TENT5A: variants seen among roughly 807,000 people sequenced by gnomAD.
The protein encoded by TENT5A is terminal nucleotidyltransferase 5A.
A neutral mutation model predicts 30.2 loss-of-function variants in TENT5A; 9 were observed. That is an observed-to-expected ratio of 0.30 (90% confidence interval 0.18 to 0.52). The LOEUF (loss-of-function observed/expected upper bound fraction) is 0.52, where lower values mean the gene tolerates loss of function less well. Ranked by LOEUF, TENT5A falls within the 20% of genes least tolerant of loss-of-function variation. TENT5A has a pLI of 0.97. For missense variants in TENT5A, 411 were observed against 566.1 expected (o/e 0.73, Z 2.78); for synonymous variants, 264 against 234.2 (o/e 1.13, Z -1.16).
chr6:81,749,070 T>C lies in TENT5A; in HGVS notation c.*625A>G. ...CAGCTGGAATTAATGGATTGTGTCATCATAAGTTCTGCTGATTGTTACGAG... is the reference window on the plus strand; with the variant it reads ...CAGCTGGAATTAATGGATTGTGTCACCATAAGTTCTGCTGATTGTTACGAG... On this transcript the variant is annotated 3_prime_UTR_variant, in exon 3 of 3. Coordinates refer to ENST00000320172, the MANE Select transcript of TENT5A (RefSeq NM_017633.3). 2 of 985,868 alleles carry C rather than the reference T, an allele frequency of 2.0e-6. No homozygotes were observed. Among genetic ancestry groups the C allele is most frequent in the Non-Finnish European group, 2.4e-6 (2 of 829,944 alleles). The allele number at this position is 985,868 out of a possible 1,614,324, so 61.1% of individuals were successfully genotyped here.
chr6:81,751,611 C>T lies in TENT5A; in HGVS notation c.531G>A (p.Lys177=). The T allele has an allele frequency of 1.2e-6, 2 of 1,611,586 alleles. No homozygotes were observed. The highest frequency in any genetic ancestry group is 1.7e-6 in the Non-Finnish European group (2 of 1,178,750). Residue 177 remains lysine, a synonymous_variant, in exon 2 of 3, where the codon AAG becomes AAA. Coordinates refer to ENST00000320172, the MANE Select transcript of TENT5A (RefSeq NM_017633.3). The stretch of plus-strand genomic sequence containing the variant: ...TTACCTTGAGCGTGAGTGGTGTGAT[C>T]TTCTCTTTGTTCACCCCCTCGGGTA... ...DFLPEGVNKE[K]ITPLTLKEAY... is the part of the protein sequence containing the mutation.
chr6:81,748,809 T>G lies in TENT5A; in HGVS notation c.*886A>C, dbSNP rs1768937979. 1 of 985,176 alleles carries G rather than the reference T, an allele frequency of 1.0e-6. No individual in the cohort carries two copies. The highest frequency in any genetic ancestry group is 4.7e-5 in the South Asian group (1 of 21,276). 61.0% of individuals were successfully genotyped at this position (985,176 alleles called of 1,614,324 possible). A position where few individuals can be genotyped will look rare whatever the true frequency, so the allele number is the denominator to read the frequency against. On this transcript the variant is annotated 3_prime_UTR_variant, in exon 3 of 3. Transcript: ENST00000320172. ...ATTTTCTTCTTGAGGCAGTCCCTGATAAAATAAAATAATCATTAAACCATA... is the reference window on the plus strand; with the variant it reads ...ATTTTCTTCTTGAGGCAGTCCCTGAGAAAATAAAATAATCATTAAACCATA...
In TENT5A at chr6:81,750,194, T is replaced by C; in HGVS notation, c.830A>G (p.Asn277Ser). ...TGGGTTCCTGGTGGCAATGATCTTG[T>C]TACAAAGGTGATCAAAGGCTTCCTG... ...DFQEAFDHLC[N>S]KIIATRNPEE... Residue 277 changes from asparagine (N) to serine (S), a missense_variant, in exon 3 of 3, where the codon AAC (asparagine) becomes AGC (serine). Coordinates refer to ENST00000320172, the MANE Select transcript of TENT5A (RefSeq NM_017633.3). This position sits in a 1 kb window ranked among gnomAD's most constrained non-coding sequence, Gnocchi z 4.2. The C allele has an allele frequency of 6.2e-7, 1 of 1,614,148 alleles. No individual in the cohort carries two copies. The highest frequency in any genetic ancestry group is 8.5e-7 in the Non-Finnish European group (1 of 1,180,026).
intron 1 of TENT5A, 77 bp from the exon 2 acceptor site, chr6:81,752,255 C>G (rs943392550): frequency 1.1e-5 from 16 of 1,477,942 alleles, no homozygotes; most frequent in Non-Finnish European, 1.3e-5. Context: ...AGCAGAGGCC[C>G]GCCAGGAAAA....
intron 2 of TENT5A, 54 bp downstream of exon 2, chr6:81,751,536 G>C: frequency 6.7e-7 from 1 of 1,499,336 alleles, no homozygotes; most frequent in Non-Finnish European, 9.0e-7. Context: ...CCCGCTCCCC[G>C]TCACACCCGG....
chr6:81,746,519 T>C lies in TENT5A; in HGVS notation c.*3176A>G, dbSNP rs1345588763. The C allele has an allele frequency of 8.1e-7, 1 of 1,232,022 alleles. No homozygotes were observed. Among genetic ancestry groups the C allele is most frequent in the Non-Finnish European group, 1.0e-6 (1 of 987,938 alleles). 76.3% of individuals were successfully genotyped at this position (1,232,022 alleles called of 1,614,324 possible). A position where few individuals can be genotyped will look rare whatever the true frequency, so the allele number is the denominator to read the frequency against. On this transcript the variant is annotated 3_prime_UTR_variant, in exon 3 of 3. Transcript: ENST00000320172. The stretch of plus-strand genomic sequence containing the variant: ...AAAGTGAGCAGATACTTGATCCCAT[T>C]TCTGGAAAGGAAATGTCCATCTTGG...
At position 81,750,101 on chromosome 6, in the gene TENT5A, G is replaced by C. The variant is rs1295773390; in HGVS notation, c.923C>G (p.Ser308Cys). The C allele has an allele frequency of 2.5e-6, 4 of 1,613,920 alleles. No homozygotes were observed. The highest frequency in any genetic ancestry group is 2.5e-6 in the Non-Finnish European group (3 of 1,179,928). The change falls in exon 3 of 3, where the codon TCT becomes TGT. Residue 308 changes from serine (S) to cysteine (C), a missense_variant. By Grantham distance (112) the Ser-to-Cys change is moderately radical. Coordinates refer to ENST00000320172, the MANE Select transcript of TENT5A (RefSeq NM_017633.3). The surrounding 1 kb of genome is among the most constrained non-coding windows in gnomAD (Gnocchi z 4.2). ...NLLVRGFRPA[S>C]DEIKTLQRYM... ...CCTTTGAAGGGTCTTGATTTCATCA[G>C]AGGCGGGCCTAAAGCCCCTCACCAA...
chr6:81,751,882 C>A lies in TENT5A; in HGVS notation c.260G>T (p.Arg87Leu). ...CAGCTCGAGCGTGGGGAAGTTGCCG[C>A]GCCCGTGAATCGGAATGGTCTCGCT... ...ILSETIPIHG[R>L]GNFPTLELQP... Residue 87 changes from arginine to leucine, a missense_variant, in exon 2 of 3, where the codon CGC becomes CTC. By Grantham distance (102) the Arg-to-Leu change is moderately radical. Around this residue, in one of 5 missense-constraint regions of TENT5A, gnomAD observed 157 missense variants for 183.2 expected, o/e 0.86. Coordinates refer to ENST00000320172, the MANE Select transcript of TENT5A (RefSeq NM_017633.3). 1 of 1,613,224 alleles carries A rather than the reference C, an allele frequency of 6.2e-7. No homozygotes were observed. Among genetic ancestry groups the A allele is most frequent in the South Asian group, 1.1e-5 (1 of 91,088 alleles).
chr6:81,748,341 C>A lies in TENT5A; in HGVS notation c.*1354G>T. The A allele has an allele frequency of 1.0e-6, 1 of 981,642 alleles. No homozygotes were observed. The highest frequency in any genetic ancestry group is 1.2e-6 in the Non-Finnish European group (1 of 829,032). The allele number at this position is 981,642 out of a possible 1,614,324, so 60.8% of individuals were successfully genotyped here. A position where few individuals can be genotyped will look rare whatever the true frequency, so the allele number is the denominator to read the frequency against. Reference sequence around the variant, plus strand: ...GTTCAATATAAAAAAGAGTGCTCTGCCAAACAAATATTCTCCCATTTGTGG... The same window carrying A: ...GTTCAATATAAAAAAGAGTGCTCTGACAAACAAATATTCTCCCATTTGTGG... On this transcript the variant is annotated 3_prime_UTR_variant, in exon 3 of 3. Transcript: ENST00000320172.
Position 81,746,431 on chromosome 6 carries a change from T to G in TENT5A, c.*3264A>C. On this transcript the variant is annotated 3_prime_UTR_variant, in exon 3 of 3. Transcript: ENST00000320172. ...TCACTTTTCATTTCCTTCCTTGGTTTGGATTACACATATTCTTCCATCCTT... is the reference window on the plus strand; with the variant it reads ...TCACTTTTCATTTCCTTCCTTGGTTGGGATTACACATATTCTTCCATCCTT... 1 of 1,231,632 alleles carries G rather than the reference T, an allele frequency of 8.1e-7. No homozygotes were observed. The highest frequency in any genetic ancestry group is 1.0e-6 in the Non-Finnish European group (1 of 987,632). 76.3% of individuals were successfully genotyped at this position (1,231,632 alleles called of 1,614,324 possible).
Position 81,745,853 on chromosome 6 carries a change from A to T in TENT5A, c.*3842T>A, listed in dbSNP as rs887551566. On this transcript the variant is annotated 3_prime_UTR_variant, in exon 3 of 3. Transcript: ENST00000320172. ...ATGTCAGTTTTTTAGTCCATTTTCC[A>T]TCAACTCCTTTTCTGCCTGTGACGC... is the stretch of plus-strand genomic sequence containing the variant. 1.0e-6 allele frequency: 1 copy of T among 985,748 alleles called. No homozygotes were observed. Among genetic ancestry groups the T allele is most frequent in the East Asian group, 1.1e-4 (1 of 8,822 alleles). 61.1% of individuals were successfully genotyped at this position (985,748 alleles called of 1,614,324 possible). A position where few individuals can be genotyped will look rare whatever the true frequency, so the allele number is the denominator to read the frequency against.
rs760896955 is a variant in TENT5A at position 81,749,737 on chromosome 6, C to T, written c.1287G>A (p.Thr429=). 3.7e-6 allele frequency: 6 copies of T among 1,613,166 alleles called. No homozygotes were observed. The highest frequency in any genetic ancestry group is 5.1e-6 in the Non-Finnish European group (6 of 1,179,926). Residue 429 remains threonine (T), a synonymous_variant, in exon 3 of 3, where the codon ACG becomes ACA. Coordinates refer to ENST00000320172, the MANE Select transcript of TENT5A (RefSeq NM_017633.3). Reference sequence around the variant, plus strand: ...AAGTGGAGTAGGTCTGTTGCTGGCACGTGAATACTGGCTGAACCTGTGCAA... The same window carrying T: ...AAGTGGAGTAGGTCTGTTGCTGGCATGTGAATACTGGCTGAACCTGTGCAA... ...YYIAQVQPVF[T]CQQQTYSTWL... is the part of the protein sequence containing the mutation.
chr6:81,749,613 C>G lies in TENT5A; in HGVS notation c.*82G>C, dbSNP rs1459553239. On this transcript the variant is annotated 3_prime_UTR_variant, in exon 3 of 3. Coordinates refer to ENST00000320172, the MANE Select transcript of TENT5A (RefSeq NM_017633.3). ...AACACATCCCTAATAAGGGCTGGAT[C>G]ACTCTTTTTTTTTTCTTTTTTTTTT... is the stretch of plus-strand genomic sequence containing the variant. The G allele has an allele frequency of 1.3e-6, 2 of 1,508,488 alleles. No individual in the cohort carries two copies. Among genetic ancestry groups the G allele is most frequent in the African/African-American group, 2.8e-5 (2 of 71,038 alleles). 93.4% of individuals were successfully genotyped at this position (1,508,488 alleles called of 1,614,324 possible). A position where few individuals can be genotyped will look rare whatever the true frequency, so the allele number is the denominator to read the frequency against.
chr6:81,752,042 C>T lies in TENT5A; in HGVS notation c.100G>A (p.Gly34Ser). ...AAGTCGCCGCCGCCGAAGTCGCCGC[C>T]GCCGAAGTCGCCGCCGCCGAAGTCG... ...GGDFGGGDFG[G>S]GDFGGGDFGG... The change falls in exon 2 of 3, where the codon GGC becomes AGC. Residue 34 changes from glycine to serine, a missense_variant. By Grantham distance (56) the Gly-to-Ser change is moderately conservative. Coordinates refer to ENST00000320172, the MANE Select transcript of TENT5A (RefSeq NM_017633.3). The T allele has an allele frequency of 6.2e-7, 1 of 1,601,764 alleles. No homozygotes were observed.
chr6:81,749,536 G>T lies in TENT5A; in HGVS notation c.*159C>A. 7.3e-7 allele frequency: 1 copy of T among 1,378,898 alleles called. No homozygotes were observed. The highest frequency in any genetic ancestry group is 1.9e-5 in the South Asian group (1 of 53,286). The allele number at this position is 1,378,898 out of a possible 1,614,324, so 85.4% of individuals were successfully genotyped here. A position where few individuals can be genotyped will look rare whatever the true frequency, so the allele number is the denominator to read the frequency against. The stretch of plus-strand genomic sequence containing the variant: ...GATCATGCTCCCACATCTATTAAAA[G>T]ATACATAAGCTTTGCCAAACTTAAA... On this transcript the variant is annotated 3_prime_UTR_variant, in exon 3 of 3. Coordinates refer to ENST00000320172, the MANE Select transcript of TENT5A (RefSeq NM_017633.3).
rs1419916971 is a variant in TENT5A, at chr6:81,752,466, C to A, written c.-73G>T. 2 of 1,548,438 alleles carry A rather than the reference C, an allele frequency of 1.3e-6. No homozygotes were observed. Among genetic ancestry groups the A allele is most frequent in the South Asian group, 1.2e-5 (1 of 84,022 alleles). On this transcript the variant is annotated 5_prime_UTR_variant, in exon 1 of 3. Transcript: ENST00000320172. ...CCGCCCCTTCTAGGAGCGCAGCGAG[C>A]GAGAGCGAAACCGAGAGGCGGCAAC... is the stretch of plus-strand genomic sequence containing the variant.
intron 1 of TENT5A, 67 bp downstream of exon 1, chr6:81,752,339 CCAGCCGCGCACCGCGCCCCGCAGAG>C (rs1430804688): frequency 4.5e-6 from 7 of 1,549,020 alleles, no homozygotes; most frequent in East Asian, 4.9e-5. Flanking sequence ...CTTACAGTCC[CCAGCCGCGCACCGCGCCCCGCAGAG>C]CAGCCCCGCA....
Position 81,751,829 on chromosome 6 carries a change from G to A in TENT5A, c.313C>T (p.Arg105Trp). ...ATGCGCTTCTCGGCCAGGCGCCGCCGCACCACCTTCACGATCAGGCTCGGC... is the reference window on the plus strand; with the variant it reads ...ATGCGCTTCTCGGCCAGGCGCCGCCACACCACCTTCACGATCAGGCTCGGC... ...LQPSLIVKVVRRRLAEKRIGV... is the reference protein window; with the variant it reads ...LQPSLIVKVVWRRLAEKRIGV... Residue 105 changes from arginine to tryptophan, a missense_variant, in exon 2 of 3, where the codon CGG (arginine) becomes TGG (tryptophan). This residue lies in a region of TENT5A where 157 missense variants were observed against 183.2 expected (regional missense o/e 0.86). Coordinates refer to ENST00000320172, the MANE Select transcript of TENT5A (RefSeq NM_017633.3). The A allele has an allele frequency of 6.2e-7, 1 of 1,612,820 alleles. No individual in the cohort carries two copies. Among genetic ancestry groups the A allele is most frequent in the South Asian group, 1.1e-5 (1 of 91,060 alleles).
chr6:81,751,969 C>A lies in TENT5A; in HGVS notation c.173G>T (p.Ser58Ile). The change falls in exon 2 of 3, where the codon AGC (serine) becomes ATC (isoleucine). Residue 58 changes from serine (S) to isoleucine (I), a missense_variant. Ser to Ile is a moderately radical substitution (Grantham distance 142). Around this residue, in one of 5 missense-constraint regions of TENT5A, gnomAD observed 157 missense variants for 183.2 expected, o/e 0.86. Coordinates refer to ENST00000320172, the MANE Select transcript of TENT5A (RefSeq NM_017633.3). ...CAGCACATTGCAGTGCGCCGTAGGG[C>A]TTTCGCAATAGTCCAAGCAATGCCC... is the stretch of plus-strand genomic sequence containing the variant. Reference protein sequence around the residue: ...FGGHCLDYCESPTAHCNVLNW... With the variant: ...FGGHCLDYCEIPTAHCNVLNW... 6.3e-7 allele frequency: 1 copy of A among 1,596,510 alleles called. No homozygotes were observed.
Sources: gnomAD v4.1 joint callset for allele counts on GRCh38, gnomAD v4.1.1 for gene constraint, gnomAD v4.1.1 regional missense constraint, Gnocchi (gnomAD v3.1) non-coding constraint, MANE v1.5 for transcripts, NCBI Gene and HGNC (gene_info 2026-07-23, HGNC 2026-07-21) for gene names.